ASXL1: variants seen among roughly 807,000 people sequenced by gnomAD.
ASXL1 encodes ASXL transcriptional regulator 1.
A neutral mutation model predicts 89.1 loss-of-function variants in ASXL1; 65 were observed. The observed-to-expected ratio is 0.73, with a 90% confidence interval of 0.60 to 0.90. The LOEUF (loss-of-function observed/expected upper bound fraction) is 0.90, where lower values mean the gene tolerates loss of function less well. Ranked by LOEUF, ASXL1 falls within the 40% of genes least tolerant of loss-of-function variation. The pLI is 0.00. For missense variants in ASXL1, 1,786 were observed against 1,942.9 expected (o/e 0.92, Z 1.52); for synonymous variants, 739 against 746.9 (o/e 0.99, Z 0.17).
chr20:32,434,485 C>G lies in ASXL1; in HGVS notation c.1773C>G (p.Tyr591Ter), dbSNP rs371369583. Residue 591 changes from tyrosine to a stop codon, truncating the protein, a stop_gained, in exon 13 of 13, where the codon TAC (tyrosine) becomes TAG (stop). Coordinates refer to ENST00000375687, the MANE Select transcript of ASXL1 (RefSeq NM_015338.6). LOFTEE classifies it low-confidence loss of function (END_TRUNC). ...GGGTGGTTAAAGGTCAGCCCACTTA[C>G]CAGATATGCCCCCGGATCATCCCCA... ...PPWVVKGQPT[Y>*]QICPRIIPTT... 7.4e-6 allele frequency: 12 copies of G among 1,613,946 alleles called. No individual in the cohort carries two copies. The highest frequency in any genetic ancestry group is 1.1e-5 in the South Asian group (1 of 91,090).
intron 4 of ASXL1, among the ~76,000 whole-genome samples, chr20:32,390,576 G>A (rs2048654010): frequency 6.6e-6 from 1 of 151,790 alleles, no homozygotes; most frequent in South Asian, 2.1e-4. Flanking sequence ...GGCCTTAAGT[G>A]CTCCTCCTGC....
At chr20:32,408,972 T>A (rs1014163446) in intron 4 of ASXL1, among the ~76,000 whole-genome samples, 7 of 152,210 alleles carry the variant, frequency 4.6e-5, no homozygotes, top group South Asian at 4.1e-4. Context: ...TTTAATTTTT[T>A]AAATTAATTT....
rs898745149 is a variant in ASXL1, at chr20:32,399,759, T to A, written c.253-28369T>A. Among the ~76,000 whole-genome samples the A allele has an allele frequency of 1.6e-4, 18 of 113,864 alleles. 1 individual carries two copies. Among genetic ancestry groups the A allele is most frequent in the East Asian group, 8.2e-4 (4 of 4,888 alleles). 74.7% of individuals were successfully genotyped at this position (113,864 alleles called of 152,430 possible). Reference sequence around the variant, plus strand: ...CACATATTTTACTCTTTTTTTTTTTTTTTTTTTTTTTTTTTTTTTAAAGAC... The same window carrying A: ...CACATATTTTACTCTTTTTTTTTTTATTTTTTTTTTTTTTTTTTTAAAGAC... On this transcript the variant is annotated intron_variant, in intron 4 of 12. Coordinates refer to ENST00000375687, the MANE Select transcript of ASXL1 (RefSeq NM_015338.6).
intron 4 of ASXL1, among the ~76,000 whole-genome samples, chr20:32,389,586 C>T (rs541834924): frequency 6.6e-6 from 1 of 152,218 alleles, no homozygotes; most frequent in East Asian, 1.9e-4. Flanking sequence ...CCCCCCTGCC[C>T]CGCCTTTTTC....
rs780986165 is a variant in ASXL1 at position 32,433,296 on chromosome 20, C to T, written c.1098C>T (p.Thr366=). The change falls in exon 12 of 13, where the codon ACC becomes ACT. Residue 366 remains threonine (T), a synonymous_variant. Transcript: ENST00000375687. ...EDYYGQKLGL[T]KEESLQQNVG... is the part of the protein sequence containing the mutation. The stretch of plus-strand genomic sequence containing the variant: ...TTTTGATTTGCAGGCTGGGTTTGAC[C>T]AAAGAAGAGTCATTGCAGCAGAACG... 2 of 1,613,932 alleles carry T rather than the reference C, an allele frequency of 1.2e-6. No individual in the cohort carries two copies. The highest frequency in any genetic ancestry group is 1.7e-6 in the Non-Finnish European group (2 of 1,180,044).
At chr20:32,401,022 A>G (rs1174651610) in intron 4 of ASXL1, among the ~76,000 whole-genome samples, 1 of 152,222 alleles carries the variant, frequency 6.6e-6, no homozygotes. Context: ...TAGGTTTACT[A>G]AAAGCTGCAG....
Position 32,427,769 on chromosome 20 carries a change from T to C in ASXL1, c.253-359T>C, listed in dbSNP as rs1600572583. The C allele has an allele frequency of 1.1e-5, 4 of 353,846 alleles. No individual in the cohort carries two copies. In the East Asian group the frequency reaches 2.9e-4, roughly 26 times the overall value. 21.9% of individuals were successfully genotyped at this position (353,846 alleles called of 1,614,324 possible). A position where few individuals can be genotyped will look rare whatever the true frequency, so the allele number is the denominator to read the frequency against. On this transcript the variant is annotated intron_variant, in intron 4 of 12. Coordinates refer to ENST00000375687, the MANE Select transcript of ASXL1 (RefSeq NM_015338.6). ...TGCCACGGCTCTCCATGTTCACCTA[T>C]GTACTGTACTTTGTATTGTAATCAG...
In ASXL1 at chr20:32,433,486, T is replaced by TC; in HGVS notation, c.1289dup (p.Glu431ArgfsTer7). 6.2e-7 allele frequency: 1 copy of TC among 1,613,536 alleles called. No individual in the cohort carries two copies. Among genetic ancestry groups the TC allele is most frequent in the Non-Finnish European group, 8.5e-7 (1 of 1,179,892 alleles). On this transcript the variant is annotated frameshift_variant, in exon 12 of 13. Transcript: ENST00000375687. LOFTEE classifies it high-confidence loss of function. ...AAGGAATCTGTACAAAAAACAGGAG[T>TC]CAGAACAAGCAGGGGTTGCTAAGGA...
rs71187116 is a variant in ASXL1, at chr20:32,397,250, CTTTTTTTTTTTTTTTTTTT to C, written c.252+28140_252+28158del. On this transcript the variant is annotated intron_variant, in intron 4 of 12. Transcript: ENST00000375687. ...TTGTGGGGTGAGCGACCATGCCTGG[CTTTTTTTTTTTTTTTTTTT>C]TTTTTTTTTTTTGGTAGAGATGGGG... Among the ~76,000 whole-genome samples the C allele has an allele frequency of 6.9e-3, 48 of 6,992 alleles. No individual in the cohort carries two copies. The South Asian group carries it at 0.17, about 25-fold the overall frequency. 4.6% of individuals were successfully genotyped at this position (6,992 alleles called of 152,430 possible).
At chr20:32,424,175 G>A (rs1157110824) in intron 4 of ASXL1, among the ~76,000 whole-genome samples, 2 of 152,068 alleles carry the variant, frequency 1.3e-5, no homozygotes, top group African/African-American at 2.4e-5. Flanking sequence ...CTTGATCACA[G>A]AAAACAATAC....
In ASXL1 at chr20:32,437,429, A is replaced by G. The variant is rs2145398683; in HGVS notation, c.*91A>G. ...TCTGTATACAGAATATCATTGATAT[A>G]ATACTCTTTAGGCAGGAGCACTCTT... On this transcript the variant is annotated 3_prime_UTR_variant, in exon 13 of 13. Transcript: ENST00000375687. The G allele has an allele frequency of 6.4e-7, 1 of 1,559,820 alleles. No homozygotes were observed. The highest frequency in any genetic ancestry group is 8.8e-7 in the Non-Finnish European group (1 of 1,133,470).
At chr20:32,367,111 C>A (rs2048218273) in intron 2 of ASXL1, among the ~76,000 whole-genome samples, 1 of 151,430 alleles carries the variant, frequency 6.6e-6, no homozygotes, top group South Asian at 2.1e-4. Context: ...GGGGTAGTGG[C>A]CCATGCCTGT....
chr20:32,397,001 A>G (rs547309042), intron 4 of ASXL1, among the ~76,000 whole-genome samples: 3 of 125,822 alleles, frequency 2.4e-5, no homozygotes, highest in Non-Finnish European at 3.5e-5. Flanking sequence ...GCAAAAAAAA[A>G]AAACAAACAA....
chr20:32,396,824 G>C (rs937829160), intron 4 of ASXL1, among the ~76,000 whole-genome samples: 1 of 151,958 alleles, frequency 6.6e-6, no homozygotes, highest in African/African-American at 2.4e-5. Flanking sequence ...TATACATGAG[G>C]TCACATACTG....
chr20:32,401,078 A>G (rs1227379249), intron 4 of ASXL1, among the ~76,000 whole-genome samples: 1 of 152,208 alleles, frequency 6.6e-6, no homozygotes, highest in Admixed American at 6.5e-5. Context: ...TTCCCCCATG[A>G]TAACATTTTA....
chr20:32,425,793 C>A (rs549126387), intron 4 of ASXL1, among the ~76,000 whole-genome samples: 8 of 152,284 alleles, frequency 5.3e-5, no homozygotes, highest in African/African-American at 1.9e-4. Context: ...TAACCTCTGC[C>A]TCCTTCGTTC....
In ASXL1 at chr20:32,429,378, G is replaced by A. The variant is rs2011447668; in HGVS notation, c.512G>A (p.Arg171Gln). ...AAAAAGACTGGGGTGATGCTGCCTC[G>A]AGTTGTCCTGACTCCTCTGAAGGTA... ...QKKKTGVMLP[R>Q]VVLTPLKVNG... Residue 171 changes from arginine (R) to glutamine (Q), a missense_variant, in exon 7 of 13, where the codon CGA becomes CAA. Arg to Gln is a conservative substitution (Grantham distance 43). This residue lies in a region of ASXL1 where 332 missense variants were observed against 449.7 expected (regional missense o/e 0.74). Transcript: ENST00000375687. This position sits in a 1 kb window ranked among gnomAD's most constrained non-coding sequence, Gnocchi z 4.9. The A allele has an allele frequency of 3.1e-6, 5 of 1,614,152 alleles. No individual in the cohort carries two copies. In the East Asian group the frequency reaches 8.9e-5, roughly 29 times the overall value.
At position 32,428,141 on chromosome 20, in the gene ASXL1, A is replaced by C; in HGVS notation, c.266A>C (p.Gln89Pro). The C allele has an allele frequency of 6.2e-7, 1 of 1,613,618 alleles. No individual in the cohort carries two copies. The highest frequency in any genetic ancestry group is 8.5e-7 in the Non-Finnish European group (1 of 1,180,020). The change falls in exon 5 of 13, where the codon CAG becomes CCG. Residue 89 changes from glutamine (Q) to proline (P), a missense_variant. Gln to Pro is a moderately conservative substitution (Grantham distance 76, BLOSUM62 -1). This residue lies in a region of ASXL1 where 332 missense variants were observed against 449.7 expected (regional missense o/e 0.74). Transcript: ENST00000375687. Reference protein sequence around the residue: ...SLFTLKKDALQWSRHPATVEG... With the variant: ...SLFTLKKDALPWSRHPATVEG... ...TTGCTGTCACAGAAGGATGCCCTGC[A>C]GTGGTCTCGCCATCCAGCTACAGTG...
At chr20:32,415,211 G>A (rs2049118032) in intron 4 of ASXL1, among the ~76,000 whole-genome samples, 1 of 152,056 alleles carries the variant, frequency 6.6e-6, no homozygotes, top group African/African-American at 2.4e-5. Flanking sequence ...GTTTCGCCAT[G>A]TTGGCCAGGC....
Sources: allele counts gnomAD v4.1 joint callset (sites outside exome capture counted in the v4.1 genomes callset), GRCh38; gene constraint gnomAD v4.1.1; regional missense constraint gnomAD v4.1.1; non-coding constraint Gnocchi (gnomAD v3.1); transcripts MANE v1.5; gene names NCBI Gene and HGNC (gene_info 2026-07-23, HGNC 2026-07-21).